The following RBFOX1 variants were observed in gnomAD, a reference collection of about 807,000 sequenced individuals.
RBFOX1 encodes RNA binding fox-1 homolog 1, also known as RNA binding protein fox-1 homolog 1.
RBFOX1 carries 8 observed loss-of-function variants against 57.7 expected under a neutral mutation model. The observed-to-expected ratio is 0.14, with a 90% confidence interval of 0.08 to 0.25. The LOEUF (loss-of-function observed/expected upper bound fraction) is 0.25. Ranked by LOEUF, RBFOX1 falls within the 10% of genes least tolerant of loss-of-function variation. The pLI is 1.00. For synonymous variants in RBFOX1, 326 were observed against 222.4 expected, an observed-to-expected ratio of 1.47 and a Z score of -4.15; for missense variants, 611 against 548.5, an observed-to-expected ratio of 1.11 and a Z score of -1.14.
chr16:6,818,789 C>T (rs376738705), intron 3 of RBFOX1, among the ~76,000 whole-genome samples: 22 of 152,168 alleles, frequency 1.4e-4, no homozygotes, highest in African/African-American at 5.3e-4. Flanking sequence ...GCCACTGATG[C>T]CATTTCATCC....
intron 3 of RBFOX1, among the ~76,000 whole-genome samples, chr16:5,762,109 C>A (rs910769001): frequency 6.6e-6 from 1 of 152,010 alleles, no homozygotes; most frequent in Non-Finnish European, 1.5e-5. Context: ...CCTGCAAAAC[C>A]AATAGTATAC....
At chr16:7,094,563 A>G (rs2061376246) in intron 4 of RBFOX1, among the ~76,000 whole-genome samples, 1 of 151,990 alleles carries the variant, frequency 6.6e-6, no homozygotes, top group Non-Finnish European at 1.5e-5. Context: ...TCAGACTGTC[A>G]AATCCTGTGT....
Position 6,423,893 on chromosome 16 carries a change from C to T in RBFOX1, c.-64+106836C>T, listed in dbSNP as rs565533015. 4.3e-3 allele frequency among the ~76,000 whole-genome samples: 656 copies of T among 152,222 alleles called. 7 individuals carry two copies. Among genetic ancestry groups the T allele is most frequent in the African/African-American group, 0.015 (603 of 41,560 alleles). ...GTAACACACAGAGGGCGGGGAGCTC[C>T]GGTCTTGAGGCTAGGAAACAGTCTT... On this transcript the variant is annotated intron_variant, in intron 2 of 15. Transcript: ENST00000550418.
intron 1 of RBFOX1, among the ~76,000 whole-genome samples, chr16:6,105,687 T>A (rs1834042): frequency 0.36 from 51,856 of 142,980 alleles, 9,187 homozygotes; most frequent in East Asian, 0.49. Flanking sequence ...AGAAAAAAAA[T>A]ATATATATAT....
chr16:5,787,371 A>G (rs1374423040), intron 3 of RBFOX1, among the ~76,000 whole-genome samples: 1 of 152,184 alleles, frequency 6.6e-6, no homozygotes, highest in Non-Finnish European at 1.5e-5. Context: ...TTTCCTGGCA[A>G]TGAAGTGAAT....
Position 7,384,259 on chromosome 16 carries a change from T to C in RBFOX1, c.28-133888T>C, listed in dbSNP as rs549728985. Among the ~76,000 whole-genome samples the C allele has an allele frequency of 3.9e-5, 6 of 152,124 alleles. No individual in the cohort carries two copies. In the South Asian group the frequency reaches 8.3e-4, roughly 21 times the overall value. On this transcript the variant is annotated intron_variant, in intron 4 of 15. Transcript: ENST00000550418. ...TGAAAAGCAAGGAGTATGAAACTTA[T>C]ATATGAAATATATATGTATGAATAT...
chr16:6,631,878 A>G (rs570238970), intron 2 of RBFOX1, among the ~76,000 whole-genome samples: 1 of 152,204 alleles, frequency 6.6e-6, no homozygotes, highest in South Asian at 2.1e-4. Context: ...GAGAAGCTGT[A>G]AGAAGGTCAT....
At chr16:6,708,594 A>G (rs1294005039) in intron 3 of RBFOX1, among the ~76,000 whole-genome samples, 1 of 152,216 alleles carries the variant, frequency 6.6e-6, no homozygotes, top group Non-Finnish European at 1.5e-5. Context: ...ACTGAAGGGA[A>G]ATAGAACACC....
At position 7,704,390 on chromosome 16, in the gene RBFOX1, G is replaced by A. The variant is rs138629250; in HGVS notation, c.996-4666G>A. 3.9e-5 allele frequency among the ~76,000 whole-genome samples: 6 copies of A among 152,302 alleles called. No individual in the cohort carries two copies. In the South Asian group the frequency reaches 1.0e-3, roughly 26 times the overall value. On this transcript the variant is annotated intron_variant, in intron 14 of 15. Coordinates refer to ENST00000550418, the MANE Select transcript of RBFOX1 (RefSeq NM_018723.4). ...CAAACTCACAGAAATGATGTAAAAAGTGTACACTATTTCTAGAGTCCCCAG... is the reference window on the plus strand; with the variant it reads ...CAAACTCACAGAAATGATGTAAAAAATGTACACTATTTCTAGAGTCCCCAG...
chr16:7,677,723 G>A (rs879467737), intron 14 of RBFOX1, among the ~76,000 whole-genome samples: 3 of 152,164 alleles, frequency 2.0e-5, no homozygotes, highest in Non-Finnish European at 4.4e-5. Flanking sequence ...CATTGAGGGT[G>A]CTTATTTTGG....
intron 3 of RBFOX1, among the ~76,000 whole-genome samples, chr16:6,898,732 A>G (rs1596527758): frequency 6.6e-6 from 1 of 152,034 alleles, no homozygotes; most frequent in East Asian, 1.9e-4. Context: ...TGTGTATGAT[A>G]CATGTGTATG....
At chr16:7,186,994 C>CAAAAAAAAAAAAAAAAAAAAAAAAAAAAA (rs35177784) in intron 4 of RBFOX1, among the ~76,000 whole-genome samples, 2 of 69,264 alleles carry the variant, frequency 2.9e-5, no homozygotes, top group African/African-American at 1.3e-4. Flanking sequence ...CCCACCTCCA[C>CAAAAAAAAAAAAAAAAAAAAAAAAAAAAA]AAAAAAAAAA....
At chr16:5,548,168 A>ATATATATATATAT (rs1256241961) in intron 2 of RBFOX1, among the ~76,000 whole-genome samples, 21 of 57,150 alleles carry the variant, frequency 3.7e-4, no homozygotes, top group Non-Finnish European at 6.5e-4. Flanking sequence ...TAAAAAAAAA[A>ATATATATATATAT]AAAAAAATAT....
chr16:7,365,270 A>T (rs934377035), intron 4 of RBFOX1, among the ~76,000 whole-genome samples: 3 of 152,224 alleles, frequency 2.0e-5, no homozygotes, highest in Admixed American at 2.0e-4. Context: ...GGTAATAAAT[A>T]TGTAAAGGAC....
intron 4 of RBFOX1, among the ~76,000 whole-genome samples, chr16:7,458,487 T>C (rs2058961707): frequency 6.6e-6 from 1 of 152,222 alleles, no homozygotes; most frequent in Admixed American, 6.5e-5. Context: ...CTAGCTGCTG[T>C]TTTTTAAAAT....
intron 3 of RBFOX1, among the ~76,000 whole-genome samples, chr16:5,841,716 C>A (rs938849626): frequency 6.6e-6 from 1 of 152,194 alleles, no homozygotes; most frequent in Non-Finnish European, 1.5e-5. Flanking sequence ...CTTCCATGGC[C>A]TGTAGAGGCC....
At chr16:5,585,109 C>G (rs1156865027) in intron 2 of RBFOX1, among the ~76,000 whole-genome samples, 1 of 152,040 alleles carries the variant, frequency 6.6e-6, no homozygotes, top group Non-Finnish European at 1.5e-5. Flanking sequence ...CTATCTCATT[C>G]CAAAATATTT....
chr16:7,319,213 A>T (rs2096498693), intron 4 of RBFOX1, among the ~76,000 whole-genome samples: 1 of 152,184 alleles, frequency 6.6e-6, no homozygotes, highest in African/African-American at 2.4e-5. Context: ...CGTAATCCTA[A>T]AAACAAATGG....
intron 1 of RBFOX1, among the ~76,000 whole-genome samples, chr16:6,230,566 G>A (rs1934981831): frequency 6.6e-6 from 1 of 152,150 alleles, no homozygotes; most frequent in Non-Finnish European, 1.5e-5. Flanking sequence ...TCACAATTCC[G>A]TGGGTCAACA....
Sources: allele counts gnomAD v4.1 joint callset (sites outside exome capture counted in the v4.1 genomes callset), GRCh38; gene constraint gnomAD v4.1.1; transcripts MANE v1.5; gene names NCBI Gene and HGNC (gene_info 2026-07-23, HGNC 2026-07-21).